The following CAP2 variants were observed in gnomAD, a reference collection of about 807,000 sequenced individuals.
CAP2 encodes the protein adenylyl cyclase-associated protein 2.
A neutral mutation model predicts 57.7 loss-of-function variants in CAP2; 24 were observed. That is an observed-to-expected ratio of 0.42 (90% confidence interval 0.30 to 0.58). The LOEUF is 0.58. Among genes scored for constraint, CAP2 ranks in the 20% least tolerant of loss-of-function variants. CAP2 has a pLI of 0.22. For missense variants in CAP2, 501 were observed against 590.3 expected (o/e 0.85, Z 1.57); for synonymous variants, 194 against 207.2 (o/e 0.94, Z 0.55).
At chr6:17,459,407 A>G (rs960110314) in intron 3 of CAP2, among the ~76,000 whole-genome samples, 1 of 152,232 alleles carries the variant, frequency 6.6e-6, no homozygotes, top group Non-Finnish European at 1.5e-5. Context: ...TATGATGGCA[A>G]GGAATCACCC....
chr6:17,503,349 C>T (rs540065103), intron 4 of CAP2, among the ~76,000 whole-genome samples: 2 of 152,180 alleles, frequency 1.3e-5, no homozygotes, highest in Admixed American at 1.3e-4. Context: ...TAGCTCACAC[C>T]TGTAATACCA....
intron 4 of CAP2, among the ~76,000 whole-genome samples, chr6:17,504,795 A>G (rs1761933923): frequency 2.6e-5 from 4 of 152,182 alleles, no homozygotes; most frequent in African/African-American, 9.7e-5. Flanking sequence ...TTACATGTGA[A>G]TGCCCTCTGA....
chr6:17,396,432 G>A (rs1019278421), intron 1 of CAP2, among the ~76,000 whole-genome samples: 6 of 152,174 alleles, frequency 3.9e-5, no homozygotes, highest in African/African-American at 1.4e-4. Context: ...TAAATAAAAG[G>A]TGGTATATCC....
Position 17,543,042 on chromosome 6 carries a change from G to C in CAP2, c.1127-19G>C. The C allele has an allele frequency of 2.5e-6, 4 of 1,613,000 alleles. No homozygotes were observed. Among genetic ancestry groups the C allele is most frequent in the Non-Finnish European group, 3.4e-6 (4 of 1,179,140 alleles). ...TATTTAGTGGAGTTGGTTTTTTGTT[G>C]TGTTTTTTCTCCCCACAGACAACTG... On this transcript the variant is annotated intron_variant, in intron 10 of 12. Transcript: ENST00000229922.
intron 3 of CAP2, among the ~76,000 whole-genome samples, chr6:17,452,120 G>A (rs531917861): frequency 1.3e-5 from 2 of 152,324 alleles, no homozygotes; most frequent in South Asian, 2.1e-4. Context: ...TGTAGGGCAA[G>A]TGGCACCTGC....
chr6:17,403,362 C>T (rs1374735075), intron 1 of CAP2, among the ~76,000 whole-genome samples: 1 of 152,260 alleles, frequency 6.6e-6, no homozygotes, highest in East Asian at 1.9e-4. Flanking sequence ...CTTGGCCTCC[C>T]AAAGTGCGGG....
At chr6:17,551,829 C>A (rs1763178306) in intron 12 of CAP2, among the ~76,000 whole-genome samples, 1 of 152,170 alleles carries the variant, frequency 6.6e-6, no homozygotes, top group African/African-American at 2.4e-5. Flanking sequence ...ACTAATAATT[C>A]ATTTAATGGA....
At chr6:17,545,112 G>A (rs771556571) in intron 11 of CAP2, among the ~76,000 whole-genome samples, 3 of 152,158 alleles carry the variant, frequency 2.0e-5, no homozygotes, top group Non-Finnish European at 2.9e-5. Context: ...AGAAGTAACA[G>A]CAGTGAAGTA....
Position 17,536,486 on chromosome 6 carries a change from T to C in CAP2, c.637-2783T>C, listed in dbSNP as rs1762777507. 4 of 293,826 alleles carry C rather than the reference T, an allele frequency of 1.4e-5. No homozygotes were observed. The Admixed American group carries it at 1.8e-4, about 14-fold the overall frequency. The allele number at this position is 293,826 out of a possible 1,614,324, so 18.2% of individuals were successfully genotyped here. A position where few individuals can be genotyped will look rare whatever the true frequency, so the allele number is the denominator to read the frequency against. ...TTTCAACTGGTCCTGAGTTCCCTTA[T>C]TTTTTGGCTTTTATTTTCAACTTTG... is the stretch of plus-strand genomic sequence containing the variant. On this transcript the variant is annotated intron_variant, in intron 7 of 12. Coordinates refer to ENST00000229922, the MANE Select transcript of CAP2 (RefSeq NM_006366.3).
At chr6:17,422,079 T>C (rs1272034605) in intron 2 of CAP2, among the ~76,000 whole-genome samples, 1 of 152,250 alleles carries the variant, frequency 6.6e-6, no homozygotes, top group Admixed American at 6.5e-5. Flanking sequence ...TTCATCTTTC[T>C]TTCATTTAGT....
intron 3 of CAP2, among the ~76,000 whole-genome samples, chr6:17,453,856 G>A (rs1426499019): frequency 6.6e-6 from 1 of 151,164 alleles, no homozygotes; most frequent in Non-Finnish European, 1.5e-5. Flanking sequence ...CTGTCTCTGG[G>A]TAAATAAATA....
intron 12 of CAP2, among the ~76,000 whole-genome samples, chr6:17,555,539 TTTATTA>T (rs535449833): frequency 1.3e-5 from 2 of 150,916 alleles, no homozygotes; most frequent in African/African-American, 2.4e-5. Context: ...GAATCTGCAT[TTTATTA>T]TTATTATTAT....
rs1405995552 is a variant in CAP2 at position 17,551,573 on chromosome 6, T to G, written c.1319T>G (p.Met440Arg). The G allele has an allele frequency of 6.2e-7, 1 of 1,611,840 alleles. No homozygotes were observed. Among genetic ancestry groups the G allele is most frequent in the Non-Finnish European group, 8.5e-7 (1 of 1,178,692 alleles). ...ATCGTGAGCGCCAAGTCATCTGAAA[T>G]GAACATACTTATCCCTCAGGATGGT... ...CEIVSAKSSE[M>R]NILIPQDGDY... The change falls in exon 12 of 13, where the codon ATG becomes AGG. Residue 440 changes from methionine (M) to arginine (R), a missense_variant. Transcript: ENST00000229922.
chr6:17,488,788 C>T (rs972019711), intron 4 of CAP2, among the ~76,000 whole-genome samples: 5 of 152,124 alleles, frequency 3.3e-5, no homozygotes, highest in Admixed American at 1.3e-4. Flanking sequence ...AGTTTGCACG[C>T]GAAGTTAGCA....
chr6:17,446,551 T>C lies in CAP2; in HGVS notation c.223-16445T>C, dbSNP rs73721549. Among the ~76,000 whole-genome samples, 1,401 of 152,344 alleles carry C rather than the reference T, an allele frequency of 9.2e-3. 18 individuals carry two copies. Among genetic ancestry groups the C allele is most frequent in the African/African-American group, 0.032 (1,345 of 41,580 alleles). On this transcript the variant is annotated intron_variant, in intron 3 of 12. Transcript: ENST00000229922. ...AAGAGTAGGGAGGTGGCATATGCAC[T>C]TAAGAGAGATTTGTCTTGTTAAAAA...
intron 7 of CAP2, among the ~76,000 whole-genome samples, chr6:17,529,951 C>T (rs371707581): frequency 5.3e-5 from 8 of 150,884 alleles, no homozygotes; most frequent in Admixed American, 3.3e-4. Flanking sequence ...CCCAGGAGTT[C>T]GAGACCAGCT....
At position 17,398,375 on chromosome 6, in the gene CAP2, G is replaced by A. The variant is rs77192657; in HGVS notation, c.-2+4629G>A. Among the ~76,000 whole-genome samples, 1,346 of 152,196 alleles carry A rather than the reference G, an allele frequency of 8.8e-3. 22 individuals carry two copies. The highest frequency in any genetic ancestry group is 0.031 in the African/African-American group (1,279 of 41,510). On this transcript the variant is annotated intron_variant, in intron 1 of 12. Transcript: ENST00000229922. ...AGCCTTGGGCAGATCTAGATCTGTC[G>A]TTGAGTTAGGCAGTGAGTTTTGCCA...
At chr6:17,512,945 C>T (rs906625565) in intron 6 of CAP2, among the ~76,000 whole-genome samples, 1 of 152,112 alleles carries the variant, frequency 6.6e-6, no homozygotes. Flanking sequence ...GATTTCCATT[C>T]ATGATTATCT....
intron 4 of CAP2, among the ~76,000 whole-genome samples, chr6:17,498,985 TC>T (rs1761734558): frequency 6.6e-6 from 1 of 151,816 alleles, no homozygotes; most frequent in South Asian, 2.1e-4. Context: ...CTCCTCGGCC[TC>T]CCAAAGTGCT....
Sources: allele counts gnomAD v4.1 joint callset (sites outside exome capture counted in the v4.1 genomes callset), GRCh38; gene constraint gnomAD v4.1.1; transcripts MANE v1.5; gene names NCBI Gene and HGNC (gene_info 2026-07-23, HGNC 2026-07-21).